CSMD1: variants seen among roughly 807,000 people sequenced by gnomAD.
CSMD1 encodes CUB and sushi domain-containing protein 1.
Under a neutral mutation model 417.5 loss-of-function variants are expected in CSMD1, and 213 were observed. The ratio of observed to expected loss-of-function variants is 0.51; its 90% CI spans 0.46 to 0.57. The LOEUF (loss-of-function observed/expected upper bound fraction) is 0.57, where lower values mean the gene tolerates loss of function less well. Ranked by LOEUF, CSMD1 falls within the 20% of genes least tolerant of loss-of-function variation. The pLI is 0.00. For synonymous variants in CSMD1, 2,862 were observed against 1,736.8 expected, an observed-to-expected ratio of 1.65 and a Z score of -16.11; for missense variants, 6,923 against 4,529.7, an observed-to-expected ratio of 1.53 and a Z score of -15.17.
At chr8:4,343,628 C>T (rs561003851) in intron 3 of CSMD1, among the ~76,000 whole-genome samples, 2 of 152,088 alleles carry the variant, frequency 1.3e-5, no homozygotes, top group Non-Finnish European at 2.9e-5. Context: ...AGACTATGTG[C>T]ACTAGAGCAT....
rs1819641123 is a variant in CSMD1, at chr8:3,157,996, T to C, written c.5845-30A>G. 3.3e-6 allele frequency: 5 copies of C among 1,502,878 alleles called. No individual in the cohort carries two copies. The African/African-American group carries it at 4.2e-5, about 13-fold the overall frequency. 93.1% of individuals were successfully genotyped at this position (1,502,878 alleles called of 1,614,324 possible). ...TTAAAAGAAAACAAAAGAAAATACA[T>C]ATAACTAAAAACAGAGTATTTAAGG... On this transcript the variant is annotated intron_variant, in intron 38 of 69. Coordinates refer to ENST00000635120, the MANE Select transcript of CSMD1 (RefSeq NM_033225.6).
intron 3 of CSMD1, among the ~76,000 whole-genome samples, chr8:4,312,752 T>C (rs1397029911): frequency 6.6e-6 from 1 of 152,054 alleles, no homozygotes; most frequent in Non-Finnish European, 1.5e-5. Flanking sequence ...CAGATACCTG[T>C]AATCCCAGCT....
intron 1 of CSMD1, among the ~76,000 whole-genome samples, chr8:4,848,754 G>A (rs1801294003): frequency 1.3e-5 from 2 of 152,160 alleles, no homozygotes; most frequent in African/African-American, 2.4e-5. Context: ...ATGCTGGCCA[G>A]GCTAGTCTCA....
chr8:4,623,852 GGA>G (rs1801931090), intron 2 of CSMD1, among the ~76,000 whole-genome samples: 3 of 152,084 alleles, frequency 2.0e-5, no homozygotes, highest in African/African-American at 7.2e-5. Context: ...TTAGAACACA[GGA>G]TGGATGACCG....
chr8:4,483,719 G>A (rs887486760), intron 2 of CSMD1, among the ~76,000 whole-genome samples: 1 of 152,060 alleles, frequency 6.6e-6, no homozygotes, highest in African/African-American at 2.4e-5. Context: ...GAAAAAGAAA[G>A]GTTCAAACAG....
chr8:3,944,444 C>T (rs1968320), intron 5 of CSMD1, among the ~76,000 whole-genome samples: 11,112 of 152,070 alleles, frequency 0.073, 471 homozygotes, highest in Middle Eastern at 0.13. Context: ...TAAAATAAGC[C>T]TTTCTAGTTT....
At chr8:4,099,697 C>A (rs1002731374) in intron 3 of CSMD1, among the ~76,000 whole-genome samples, 4 of 152,062 alleles carry the variant, frequency 2.6e-5, no homozygotes, top group African/African-American at 9.7e-5. Flanking sequence ...AACAAAACCT[C>A]TTCTTTTCTT....
At chr8:4,584,514 C>A (rs941068963) in intron 2 of CSMD1, among the ~76,000 whole-genome samples, 1 of 140,328 alleles carries the variant, frequency 7.1e-6, no homozygotes. Flanking sequence ...TCTCTAACAA[C>A]CCCCAACTCT....
Position 4,531,981 on chromosome 8 carries a change from G to A in CSMD1, c.302+105361C>T, listed in dbSNP as rs77174593. Among the ~76,000 whole-genome samples the A allele has an allele frequency of 3.5e-3, 292 of 84,508 alleles. 1 individual carries two copies. Among genetic ancestry groups the A allele is most frequent in the African/African-American group, 8.4e-3 (279 of 33,314 alleles). 55.4% of individuals were successfully genotyped at this position (84,508 alleles called of 152,430 possible). Reference sequence around the variant, plus strand: ...TCCTGCACCTCCATTCAGTCACTCCGAAAGAGAAATCCTGCACCCCCATTC... The same window carrying A: ...TCCTGCACCTCCATTCAGTCACTCCAAAAGAGAAATCCTGCACCCCCATTC... On this transcript the variant is annotated intron_variant, in intron 2 of 69. Transcript: ENST00000635120.
At chr8:4,990,087 G>A (rs1374032977) in intron 1 of CSMD1, among the ~76,000 whole-genome samples, 1 of 152,080 alleles carries the variant, frequency 6.6e-6, no homozygotes, top group Admixed American at 6.5e-5. Flanking sequence ...TGAGACATGG[G>A]GGAATTCTAC....
chr8:4,884,142 T>C (rs749504929), intron 1 of CSMD1, among the ~76,000 whole-genome samples: 19 of 152,218 alleles, frequency 1.2e-4, no homozygotes, highest in Non-Finnish European at 2.5e-4. Flanking sequence ...CAATGTCTAT[T>C]CACACCTTTT....
chr8:4,612,649 C>G (rs1371982223), intron 2 of CSMD1, among the ~76,000 whole-genome samples: 1 of 152,144 alleles, frequency 6.6e-6, no homozygotes, highest in Non-Finnish European at 1.5e-5. Flanking sequence ...ACCCATCAGC[C>G]TTCTCCATCT....
chr8:4,258,887 A>G (rs1585113491), intron 3 of CSMD1, among the ~76,000 whole-genome samples: 1 of 152,184 alleles, frequency 6.6e-6, no homozygotes, highest in Non-Finnish European at 1.5e-5. Flanking sequence ...TGGCCGTGCC[A>G]TGTGTTTTAA....
intron 38 of CSMD1, among the ~76,000 whole-genome samples, chr8:3,160,250 G>A (rs1819798915): frequency 6.6e-6 from 1 of 152,018 alleles, no homozygotes; most frequent in Admixed American, 6.6e-5. Flanking sequence ...AGCCTCCCAG[G>A]TAACTGGGAC....
At chr8:4,575,785 T>A (rs972733449) in intron 2 of CSMD1, among the ~76,000 whole-genome samples, 3 of 152,194 alleles carry the variant, frequency 2.0e-5, no homozygotes, top group African/African-American at 4.8e-5. Context: ...CAATTGCTGG[T>A]CTCATCTCCG....
At chr8:3,621,614 A>C (rs553458021) in intron 7 of CSMD1, among the ~76,000 whole-genome samples, 8 of 151,708 alleles carry the variant, frequency 5.3e-5, no homozygotes, top group Admixed American at 5.3e-4. Flanking sequence ...TTTTTTTGAG[A>C]CAGAATCTTG....
At chr8:3,363,853 T>C (rs757128651) in intron 20 of CSMD1, among the ~76,000 whole-genome samples, 2 of 152,174 alleles carry the variant, frequency 1.3e-5, no homozygotes, top group Non-Finnish European at 1.5e-5. Context: ...CCAGTGCACA[T>C]AGTTAGCAAC....
chr8:3,284,004 A>G (rs1297653563), intron 26 of CSMD1, 140 bp downstream of exon 26: 2 of 759,142 alleles, frequency 2.6e-6, no homozygotes, highest in East Asian at 2.7e-5. Flanking sequence ...TCTCTGCAAC[A>G]TGCATTTTCC....
chr8:4,934,887 G>A (rs76309948), intron 1 of CSMD1, among the ~76,000 whole-genome samples: 2,373 of 152,004 alleles, frequency 0.016, 20 homozygotes, highest in Non-Finnish European at 0.019. Context: ...ATGTCTATCT[G>A]TATCTATCAT....
Sources: allele counts gnomAD v4.1 joint callset (sites outside exome capture counted in the v4.1 genomes callset), GRCh38; gene constraint gnomAD v4.1.1; transcripts MANE v1.5; gene names NCBI Gene and HGNC (gene_info 2026-07-23, HGNC 2026-07-21).